Variants in TCFL5 observed in about 807,000 individuals in gnomAD.
TCFL5 encodes the protein transcription factor like 5, also known as transcription factor-like 5 protein.
A neutral mutation model predicts 44.3 loss-of-function variants in TCFL5; 9 were observed. The observed-to-expected ratio is 0.20, with a 90% CI of 0.12 to 0.35. The LOEUF is 0.35. Ranked by LOEUF, TCFL5 falls within the 10% of genes least tolerant of loss-of-function variation. TCFL5 has a pLI of 1.00. For missense variants in TCFL5, 603 were observed against 613.4 expected (o/e 0.98, Z 0.18); for synonymous variants, 319 against 271.6 (o/e 1.17, Z -1.72).
At chr20:62,851,475 CAAAACATT>C (rs2147263198) in intron 5 of TCFL5, 1 of 966,794 alleles carries the variant, frequency 1.0e-6, no homozygotes, top group Admixed American at 6.2e-5. Flanking sequence ...TACACAAAGC[CAAAACATT>C]AAAGCATTTT....
At position 62,861,401 on chromosome 20, in the gene TCFL5, G is replaced by C; in HGVS notation, c.270C>G (p.Gly90=). The change falls in exon 1 of 6, where the codon GGC becomes GGG. Residue 90 remains glycine, a synonymous_variant. Coordinates refer to ENST00000335351, the MANE Select transcript of TCFL5 (RefSeq NM_006602.4). This position sits in a 1 kb window ranked among gnomAD's most constrained non-coding sequence, Gnocchi z 4.0. ...GACCGCCCGCCGCGAAGCCGCCCGC[G>C]CCTGCGCCCGGGCCCGCCGCCGCCA... ...ALLAAAGPGA[G]AGGFAAGGQG... 1 of 1,091,324 alleles carries C rather than the reference G, an allele frequency of 9.2e-7. No individual in the cohort carries two copies. Among genetic ancestry groups the C allele is most frequent in the Non-Finnish European group, 1.1e-6 (1 of 900,650 alleles). The allele number at this position is 1,091,324 out of a possible 1,614,324, so 67.6% of individuals were successfully genotyped here.
intron 1 of TCFL5, among the ~76,000 whole-genome samples, chr20:62,860,689 G>A (rs1333216797): frequency 1.3e-5 from 2 of 152,228 alleles, no homozygotes; most frequent in Admixed American, 6.5e-5. Context: ...CTCAAAGCCT[G>A]CAAACCCCCG....
In TCFL5 at chr20:62,857,381, G is replaced by C; in HGVS notation, c.1238+14C>G. On this transcript the variant is annotated intron_variant, in intron 4 of 5. Transcript: ENST00000335351. The stretch of plus-strand genomic sequence containing the variant: ...CATATATGAGTCAGCCTGACAAGCA[G>C]TCACACGTATTACCTTCTATCTCTT... The C allele has an allele frequency of 6.2e-7, 1 of 1,613,106 alleles. No homozygotes were observed. Among genetic ancestry groups the C allele is most frequent in the Non-Finnish European group, 8.5e-7 (1 of 1,179,274 alleles).
At chr20:62,843,608 A>G (rs117286258) in intron 5 of TCFL5, among the ~76,000 whole-genome samples, 4,807 of 152,346 alleles carry the variant, frequency 0.032, 120 homozygotes, top group Middle Eastern at 0.068. Context: ...GTGGTATTAA[A>G]ATATAGCATA....
At chr20:62,843,153 G>A (rs1350492469) in intron 5 of TCFL5, among the ~76,000 whole-genome samples, 1 of 152,232 alleles carries the variant, frequency 6.6e-6, no homozygotes, top group African/African-American at 2.4e-5. Context: ...CGGTGAGGAA[G>A]AAAGGAAGGG....
intron 5 of TCFL5, chr20:62,852,693 C>G: frequency 4.3e-6 from 4 of 927,950 alleles, no homozygotes; most frequent in Non-Finnish European, 5.1e-6. Flanking sequence ...CACAGAAGTA[C>G]AGTCACCCGG....
Position 62,857,641 on chromosome 20 carries a change from T to G in TCFL5, c.995-3A>C. 1 of 1,607,138 alleles carries G rather than the reference T, an allele frequency of 6.2e-7. No individual in the cohort carries two copies. Among genetic ancestry groups the G allele is most frequent in the East Asian group, 2.2e-5 (1 of 44,780 alleles). On this transcript the variant is annotated splice_region_variant and splice_polypyrimidine_tract_variant and intron_variant, in intron 3 of 5. Transcript: ENST00000335351. ...TGCTTGTTTGCATAGCGCTGCTTCT[T>G]TGCGAAAGAAGAAAAAAGTGGTTTT...
chr20:62,859,079 GAAAAT>G (rs928290552), intron 3 of TCFL5, among the ~76,000 whole-genome samples: 3 of 152,158 alleles, frequency 2.0e-5, no homozygotes, highest in Non-Finnish European at 4.4e-5. Context: ...TCAGTAACTT[GAAAAT>G]AACTGAAAAT....
Position 62,859,446 on chromosome 20 carries a change from A to G in TCFL5, c.912T>C (p.Tyr304=), listed in dbSNP as rs779348968. 2.5e-6 allele frequency: 4 copies of G among 1,614,112 alleles called. No homozygotes were observed. Among genetic ancestry groups the G allele is most frequent in the East Asian group, 2.2e-5 (1 of 44,886 alleles). Residue 304 remains tyrosine (Y), a synonymous_variant, in exon 3 of 6, where the codon TAT becomes TAC. Coordinates refer to ENST00000335351, the MANE Select transcript of TCFL5 (RefSeq NM_006602.4). ...GTTTAGTGGATTCAATTTCTTGCTG[A>G]TAACAGAAAGAAAATGCTCTAGGCA... ...IGLPRAFSFC[Y]QQEIESTKQT...
chr20:62,853,022 C>T, intron 5 of TCFL5: 2 of 1,267,766 alleles, frequency 1.6e-6, no homozygotes, highest in South Asian at 2.5e-5. Context: ...GTATAGTCAC[C>T]CGGTCCACAG....
Position 62,860,231 on chromosome 20 carries a change from A to T in TCFL5, c.725T>A (p.Val242Glu). 6.2e-7 allele frequency: 1 copy of T among 1,613,872 alleles called. No individual in the cohort carries two copies. Residue 242 changes from valine to glutamate, a missense_variant, in exon 2 of 6, where the codon GTG becomes GAG. This residue lies in a region of TCFL5 where 540 missense variants were observed against 478.7 expected (regional missense o/e 1.13). Coordinates refer to ENST00000335351, the MANE Select transcript of TCFL5 (RefSeq NM_006602.4). ...LQQQNKCTAL[V>E]KNKTAATTTA... ...AGTTGTAGCCGCAGTTTTATTTTTC[A>T]CTAATGCTGTACATTTGTTTTGTTG...
rs1007617107 is a variant in TCFL5 at position 62,861,149 on chromosome 20, C to A, written c.522G>T (p.Ala174=). The change falls in exon 1 of 6, where the codon GCG becomes GCT. Residue 174 remains alanine, a synonymous_variant. Transcript: ENST00000335351. The surrounding 1 kb of genome is among the most constrained non-coding windows in gnomAD (Gnocchi z 4.0). ...CGGCCGGCTTGGCCCGGGCCTCGGGCGCGCCGTCGGGTCCAGCCGCAGCCG... is the reference window on the plus strand; with the variant it reads ...CGGCCGGCTTGGCCCGGGCCTCGGGAGCGCCGTCGGGTCCAGCCGCAGCCG... ...AAAAAAGPDG[A]PEARAKPAVR... is the part of the protein sequence containing the mutation. The A allele has an allele frequency of 8.0e-5, 80 of 1,005,792 alleles. 1 individual carries two copies. The highest frequency in any genetic ancestry group is 9.7e-4 in the Middle Eastern group (2 of 2,054). The allele number at this position is 1,005,792 out of a possible 1,614,324, so 62.3% of individuals were successfully genotyped here.
At chr20:62,859,727 G>C (rs200587651) in intron 2 of TCFL5, among the ~76,000 whole-genome samples, 20 of 136,602 alleles carry the variant, frequency 1.5e-4, no homozygotes, top group African/African-American at 5.6e-4. Flanking sequence ...TTGTTTTTTT[G>C]TTTTTTTTTT....
chr20:62,852,706 C>T (rs904336821), intron 5 of TCFL5: 170 of 985,088 alleles, frequency 1.7e-4, no homozygotes, highest in Non-Finnish European at 2.0e-4. Flanking sequence ...TCACCCGGTC[C>T]ACAGAAGTAT....
At position 62,854,029 on chromosome 20, in the gene TCFL5, T is replaced by A; in HGVS notation, c.1367A>T (p.Asp456Val). ...CCTACCACTAACCTTTTTAAGAGAA[T>A]CTCCATGTCTTTCCTGGATGTATTT... ...FLKYIQERHG[D>V]SLKKEFESVF... Residue 456 changes from aspartate to valine, a missense_variant, in exon 5 of 6, where the codon GAT becomes GTT. Around this residue, in one of 4 missense-constraint regions of TCFL5, gnomAD observed 41 missense variants for 61.4 expected, o/e 0.67. Transcript: ENST00000335351. 2 of 1,613,914 alleles carry A rather than the reference T, an allele frequency of 1.2e-6. No individual in the cohort carries two copies. The highest frequency in any genetic ancestry group is 1.7e-6 in the Non-Finnish European group (2 of 1,179,982).
intron 5 of TCFL5, among the ~76,000 whole-genome samples, chr20:62,846,850 C>T (rs2063750829): frequency 6.6e-6 from 1 of 151,726 alleles, no homozygotes; most frequent in African/African-American, 2.4e-5. Context: ...AAAGAAATAG[C>T]TCTAACTATG....
intron 5 of TCFL5, chr20:62,852,482 C>T (rs1052500782): frequency 1.0e-6 from 1 of 985,494 alleles, no homozygotes; most frequent in Non-Finnish European, 1.2e-6. Context: ...TGACTGAACT[C>T]CTGCATTCAA....
At chr20:62,848,624 G>A (rs964886644) in intron 5 of TCFL5, among the ~76,000 whole-genome samples, 1 of 151,918 alleles carries the variant, frequency 6.6e-6, no homozygotes, top group Admixed American at 6.6e-5. Context: ...TGTAATCCCA[G>A]CTACTCGGGA....
chr20:62,848,722 G>C (rs763674894), intron 5 of TCFL5, among the ~76,000 whole-genome samples: 3 of 152,144 alleles, frequency 2.0e-5, no homozygotes, highest in Non-Finnish European at 4.4e-5. Flanking sequence ...TGGGTGACAA[G>C]AGCGAGACTC....
Sources: gnomAD v4.1 joint callset for allele counts (sites outside exome capture counted in the v4.1 genomes callset) on GRCh38, gnomAD v4.1.1 for gene constraint, gnomAD v4.1.1 regional missense constraint, Gnocchi (gnomAD v3.1) non-coding constraint, MANE v1.5 for transcripts, NCBI Gene and HGNC (gene_info 2026-07-23, HGNC 2026-07-21) for gene names.